The following CBFA2T2 variants were observed in gnomAD, a reference collection of about 807,000 sequenced individuals.
CBFA2T2 encodes the protein protein CBFA2T2.
CBFA2T2 carries 11 observed loss-of-function variants against 62.2 expected under a neutral mutation model. The observed-to-expected ratio is 0.18, with a 90% confidence interval of 0.11 to 0.29. The LOEUF is 0.29. Among genes scored for constraint, CBFA2T2 ranks in the 10% least tolerant of loss-of-function variants. The pLI, the probability that CBFA2T2 is intolerant of heterozygous loss-of-function variation, is 1.00. For missense variants in CBFA2T2, 592 were observed against 774.1 expected (o/e 0.76, Z 2.79); for synonymous variants, 295 against 287.5 (o/e 1.03, Z -0.27).
At chr20:33,564,714 G>A (rs530597407) in intron 1 of CBFA2T2, among the ~76,000 whole-genome samples, 1 of 151,958 alleles carries the variant, frequency 6.6e-6, no homozygotes, top group East Asian at 1.9e-4. Flanking sequence ...TGAGTAGCTG[G>A]GACCACAGGC....
intron 1 of CBFA2T2, among the ~76,000 whole-genome samples, chr20:33,584,190 C>T (rs1843795433): frequency 6.6e-6 from 1 of 152,050 alleles, no homozygotes; most frequent in South Asian, 2.1e-4. Flanking sequence ...CTCAGGTGAT[C>T]CACTTGCCTC....
intron 1 of CBFA2T2, among the ~76,000 whole-genome samples, chr20:33,530,775 C>T (rs953058636): frequency 6.6e-6 from 1 of 151,544 alleles, no homozygotes; most frequent in Non-Finnish European, 1.5e-5. Flanking sequence ...AAGTGCGGTG[C>T]GTGTTCCATG....
At chr20:33,514,362 G>A (rs777147088) in intron 1 of CBFA2T2, among the ~76,000 whole-genome samples, 1 of 151,786 alleles carries the variant, frequency 6.6e-6, no homozygotes, top group Non-Finnish European at 1.5e-5. Flanking sequence ...TGACAGGTGT[G>A]TGCTACCACA....
chr20:33,583,968 G>A lies in CBFA2T2; in HGVS notation c.35-22988G>A, dbSNP rs1479848543. 2.6e-5 allele frequency among the ~76,000 whole-genome samples: 4 copies of A among 151,834 alleles called. No homozygotes were observed. The East Asian group carries it at 7.7e-4, about 29-fold the overall frequency. ...TTTGTTTGTTTATTTATTTATTTGA[G>A]ACAGAATCTTGCTTTGTTCCCTAGG... On this transcript the variant is annotated intron_variant, in intron 1 of 10. Transcript: ENST00000342704.
At chr20:33,643,945 G>T (rs1370658597) in intron 10 of CBFA2T2, among the ~76,000 whole-genome samples, 1 of 149,980 alleles carries the variant, frequency 6.7e-6, no homozygotes, top group African/African-American at 2.5e-5. Flanking sequence ...AACACATGTG[G>T]TCTTAGGATA....
At chr20:33,607,204 T>G in intron 2 of CBFA2T2, 105 bp downstream of exon 2, 1 of 1,047,462 alleles carries the variant, frequency 9.5e-7, no homozygotes. Flanking sequence ...GTTTTCAAAG[T>G]ACTATTGAAA....
chr20:33,540,809 G>T (rs2012392027), intron 1 of CBFA2T2, among the ~76,000 whole-genome samples: 1 of 152,124 alleles, frequency 6.6e-6, no homozygotes, highest in Non-Finnish European at 1.5e-5. Context: ...TAATAAATTT[G>T]ATATCTAGGG....
intron 1 of CBFA2T2, among the ~76,000 whole-genome samples, chr20:33,519,815 T>G (rs1050826833): frequency 1.3e-5 from 2 of 152,138 alleles, no homozygotes; most frequent in Non-Finnish European, 2.9e-5. Flanking sequence ...AGCATTGGTG[T>G]CTCAGAGGGT....
intron 1 of CBFA2T2, among the ~76,000 whole-genome samples, chr20:33,517,542 A>G (rs865788715): frequency 1.7e-4 from 25 of 151,394 alleles, no homozygotes; most frequent in African/African-American, 4.1e-4. Context: ...CTCCGGCTCA[A>G]TCACTCAAGT....
At chr20:33,642,366 C>T (rs2016890278) in intron 10 of CBFA2T2, among the ~76,000 whole-genome samples, 1 of 152,012 alleles carries the variant, frequency 6.6e-6, no homozygotes, top group African/African-American at 2.4e-5. Flanking sequence ...CTTTGGGAGG[C>T]CAAGGTAGTG....
At chr20:33,605,710 G>GTA (rs1474992206) in intron 1 of CBFA2T2, among the ~76,000 whole-genome samples, 1 of 152,088 alleles carries the variant, frequency 6.6e-6, no homozygotes. Context: ...TTTGAACAAT[G>GTA]TATAGCATGA....
intron 1 of CBFA2T2, among the ~76,000 whole-genome samples, chr20:33,517,782 C>A (rs1441222127): frequency 2.7e-5 from 4 of 150,362 alleles, no homozygotes; most frequent in Non-Finnish European, 5.9e-5. Flanking sequence ...GTAGCTTGTT[C>A]TACAGGTGTG....
chr20:33,631,171 AGGCGTGGT>A (rs2016435584), intron 8 of CBFA2T2, among the ~76,000 whole-genome samples: 1 of 152,040 alleles, frequency 6.6e-6, no homozygotes, highest in South Asian at 2.1e-4. Context: ...AAAATTAGCC[AGGCGTGGT>A]GGCGGACGCC....
intron 8 of CBFA2T2, among the ~76,000 whole-genome samples, chr20:33,635,224 T>C (rs2016593422): frequency 6.6e-6 from 1 of 152,270 alleles, no homozygotes; most frequent in East Asian, 1.9e-4. Flanking sequence ...TAGAATTCTA[T>C]ACTTAACCAA....
At chr20:33,491,318 G>A (rs912763537) in intron 1 of CBFA2T2, among the ~76,000 whole-genome samples, 1 of 152,232 alleles carries the variant, frequency 6.6e-6, no homozygotes, top group African/African-American at 2.4e-5. Flanking sequence ...GGGGTTTTGA[G>A]TTTAGTTAGG....
At chr20:33,638,122 C>T (rs2016695965) in intron 9 of CBFA2T2, among the ~76,000 whole-genome samples, 1 of 151,468 alleles carries the variant, frequency 6.6e-6, no homozygotes, top group South Asian at 2.1e-4. Flanking sequence ...TTACAGGCAC[C>T]CCCGACCATG....
In CBFA2T2 at chr20:33,539,092, G is replaced by GGA. The variant is rs150777476; in HGVS notation, c.34+48797_34+48798dup. Among the ~76,000 whole-genome samples, 396 of 152,282 alleles carry GGA rather than the reference G, an allele frequency of 2.6e-3. 6 individuals are homozygous for GGA. Among genetic ancestry groups the GGA allele is most frequent in the African/African-American group, 9.2e-3 (383 of 41,554 alleles). ...AGGTCCCACTTAAAATTATAGTTGG[G>GGA]GAGAGAGCATCAGAGTTGAGGTTCG... On this transcript the variant is annotated intron_variant, in intron 1 of 10. Coordinates refer to ENST00000342704, the MANE Select transcript of CBFA2T2 (RefSeq NM_001032999.3).
intron 6 of CBFA2T2, among the ~76,000 whole-genome samples, chr20:33,628,028 C>G (rs2016309098): frequency 6.6e-6 from 1 of 152,210 alleles, no homozygotes; most frequent in Non-Finnish European, 1.5e-5. Context: ...CTTGTCAACA[C>G]TTAGTATTAT....
At chr20:33,562,424 G>C in intron 1 of CBFA2T2, 1 of 985,932 alleles carries the variant, frequency 1.0e-6, no homozygotes, top group Non-Finnish European at 1.2e-6. Context: ...TGAAGAGCTG[G>C]TCTGTTTGGC....
Sources: allele counts gnomAD v4.1 joint callset (sites outside exome capture counted in the v4.1 genomes callset), GRCh38; gene constraint gnomAD v4.1.1; transcripts MANE v1.5; gene names NCBI Gene and HGNC (gene_info 2026-07-23, HGNC 2026-07-21).